The following RP1L1 variants were observed in gnomAD, a reference collection of about 807,000 sequenced individuals.
RP1L1 encodes RP1 like 1.
In RP1L1, 27 loss-of-function variants were observed where a neutral mutation model predicts 15.7. The observed-to-expected ratio is 1.72, with a 90% CI of 1.27 to 2.38. The LOEUF is 2.38. Ranked by LOEUF, RP1L1 falls within the 30% of genes most tolerant of loss-of-function variation. The probability of loss-of-function intolerance (pLI) is 0.00; values close to 1 mark genes in which losing one functional copy is unlikely to be tolerated. For missense variants in RP1L1, 4,798 were observed against 3,075.9 expected, an observed-to-expected ratio of 1.56 and a Z score of -13.24; for synonymous variants, 1,813 against 1,276.7, an observed-to-expected ratio of 1.42 and a Z score of -8.96.
At chr8:10,631,985 T>G (rs891953952) in intron 1 of RP1L1, among the ~76,000 whole-genome samples, 2 of 152,212 alleles carry the variant, frequency 1.3e-5, no homozygotes, top group Admixed American at 1.3e-4. Flanking sequence ...GCAGCTCATT[T>G]CCTTGAGAAT....
At chr8:10,614,969 G>A (rs1413969150) in intron 3 of RP1L1, among the ~76,000 whole-genome samples, 3 of 151,856 alleles carry the variant, frequency 2.0e-5, no homozygotes, top group Non-Finnish European at 1.5e-5. Flanking sequence ...GAGCCAACAT[G>A]TGGCAAAAGG....
chr8:10,627,316 A>T (rs1053226765), intron 1 of RP1L1, among the ~76,000 whole-genome samples: 1 of 152,204 alleles, frequency 6.6e-6, no homozygotes, highest in African/African-American at 2.4e-5. Flanking sequence ...AAAGGTAGGA[A>T]AATCTGGCCC....
At chr8:10,623,568 CATGTCCCCAGTACTTCA>C (rs1246104615) in intron 1 of RP1L1, among the ~76,000 whole-genome samples, 4 of 151,614 alleles carry the variant, frequency 2.6e-5, no homozygotes, top group Non-Finnish European at 2.9e-5. Context: ...CCAGCACCTC[CATGTCCCCAGTACTTCA>C]ATGTCCCCAG....
At position 10,640,179 on chromosome 8, in the gene RP1L1, A is replaced by T. The variant is rs896891219; in HGVS notation, c.-20+14719T>A. 2.0e-5 allele frequency among the ~76,000 whole-genome samples: 3 copies of T among 152,214 alleles called. No homozygotes were observed. The East Asian group carries it at 5.8e-4, about 29-fold the overall frequency. On this transcript the variant is annotated intron_variant, in intron 1 of 3. Transcript: ENST00000382483. ...CTGGCCCAAGGGGTAAATCTGCATG[A>T]TCCAAATGGCTTCGTTTGTTCCTTT...
chr8:10,643,338 TAG>T (rs902754545), intron 1 of RP1L1, among the ~76,000 whole-genome samples: 4 of 152,018 alleles, frequency 2.6e-5, no homozygotes, highest in African/African-American at 9.7e-5. Flanking sequence ...AGACCTTGCC[TAG>T]AAAAAAAAAT....
chr8:10,623,217 G>T lies in RP1L1; in HGVS notation c.-16C>A, dbSNP rs1365415485. ...TGCTGTTCATGGTGTGGGGGCTCTG[G>T]CCGCTGTAACAGGGCAGAGGAAGAG... On this transcript the variant is annotated 5_prime_UTR_variant, in exon 2 of 4. Coordinates refer to ENST00000382483, the MANE Select transcript of RP1L1 (RefSeq NM_178857.6). 4 of 1,534,980 alleles carry T rather than the reference G, an allele frequency of 2.6e-6. No individual in the cohort carries two copies. Among genetic ancestry groups the T allele is most frequent in the Non-Finnish European group, 3.5e-6 (4 of 1,143,290 alleles).
rs938286615 is a variant in RP1L1, at chr8:10,638,954, G to A, written c.-19-15734C>T. 3.9e-5 allele frequency among the ~76,000 whole-genome samples: 6 copies of A among 152,050 alleles called. No homozygotes were observed. The South Asian group carries it at 6.2e-4, about 16-fold the overall frequency. On this transcript the variant is annotated intron_variant, in intron 1 of 3. Coordinates refer to ENST00000382483, the MANE Select transcript of RP1L1 (RefSeq NM_178857.6). ...GAGGCCATGAGTTCGAGACCAGCCT[G>A]GCCAACACAGTGAAACCCAGGCTCT...
In RP1L1 at chr8:10,612,873, T is replaced by G; in HGVS notation, c.1225A>C (p.Thr409Pro). 6.2e-7 allele frequency: 1 copy of G among 1,612,786 alleles called. No homozygotes were observed. Among genetic ancestry groups the G allele is most frequent in the Non-Finnish European group, 8.5e-7 (1 of 1,179,884 alleles). ...GQPGPKYEIW[T>P]NPLHASQGER... ...CCCTGGGAGGCATGCAGGGGATTCG[T>G]CCAGATTTCATACTTGGGCCCTGGC... The change falls in exon 4 of 4, where the codon ACG becomes CCG. Residue 409 changes from threonine to proline, a missense_variant. Transcript: ENST00000382483.
chr8:10,644,285 CAAA>C (rs35056017), intron 1 of RP1L1, among the ~76,000 whole-genome samples: 1 of 132,706 alleles, frequency 7.5e-6, no homozygotes, highest in African/African-American at 2.7e-5. Context: ...ACCTTCTTCT[CAAA>C]AAAAAAAAAA....
At position 10,611,722 on chromosome 8, in the gene RP1L1, CA is replaced by C; in HGVS notation, c.2375del (p.Leu792ArgfsTer137). 1 of 1,613,648 alleles carries C rather than the reference CA, an allele frequency of 6.2e-7. No individual in the cohort carries two copies. Among genetic ancestry groups the C allele is most frequent in the African/African-American group, 1.3e-5 (1 of 75,076 alleles). Reference protein sequence around the residue: ...DSCSKSGAASLGEEARDTPQP... With the variant: ...DSCSKSGAASXGEEARDTPQP... ...GAGGCGTGTCCCTGGCCTCTTCCCCCAGGCTGGCAGCCCCAGATTTTGAGCA... is the reference window on the plus strand; with the variant it reads ...GAGGCGTGTCCCTGGCCTCTTCCCCCGGCTGGCAGCCCCAGATTTTGAGCA... On this transcript the variant is annotated frameshift_variant, in exon 4 of 4. Coordinates refer to ENST00000382483, the MANE Select transcript of RP1L1 (RefSeq NM_178857.6). LOFTEE classifies it low-confidence loss of function (END_TRUNC).
rs1177445377 is a variant in RP1L1 at position 10,607,921 on chromosome 8, C to A, written c.6177G>T (p.Glu2059Asp). The A allele has an allele frequency of 1.9e-6, 3 of 1,594,494 alleles. No individual in the cohort carries two copies. Among genetic ancestry groups the A allele is most frequent in the Non-Finnish European group, 2.6e-6 (3 of 1,170,314 alleles). The part of the protein sequence containing the change: ...QPESDGVEAP[E>D]AEEEAQEAEG... ...CAGCCTCCTGTGCCTCCTCTTCTGC[C>A]TCCGGGGCCTCTACACCGTCTGACT... Residue 2059 changes from glutamate (E) to aspartate (D), a missense_variant, in exon 4 of 4, where the codon GAG (glutamate) becomes GAT (aspartate). By Grantham distance (45) the Glu-to-Asp change is conservative. Transcript: ENST00000382483.
At chr8:10,646,046 A>G (rs1798472983) in intron 1 of RP1L1, among the ~76,000 whole-genome samples, 1 of 152,330 alleles carries the variant, frequency 6.6e-6, no homozygotes, top group South Asian at 2.1e-4. Flanking sequence ...AGAACAAGAT[A>G]GAAGCCGTCC....
At chr8:10,637,833 A>G (rs1798352274) in intron 1 of RP1L1, among the ~76,000 whole-genome samples, 1 of 152,210 alleles carries the variant, frequency 6.6e-6, no homozygotes, top group Non-Finnish European at 1.5e-5. Context: ...CAGCTTCAAG[A>G]TCAAAAGATG....
rs1798072840 is a variant in RP1L1, at chr8:10,622,328, A to G, written c.609+265T>C. 4.0e-5 allele frequency among the ~76,000 whole-genome samples: 6 copies of G among 148,776 alleles called. No individual in the cohort carries two copies. The South Asian group carries it at 1.4e-3, about 35-fold the overall frequency. On this transcript the variant is annotated intron_variant, in intron 2 of 3. Coordinates refer to ENST00000382483, the MANE Select transcript of RP1L1 (RefSeq NM_178857.6). ...AAAGTTAAACTCCATCTCGAAAAAA[A>G]CAAAGCCAAAAAAAAAAAAAAAAAG...
chr8:10,609,391 C>T lies in RP1L1; in HGVS notation c.4707G>A (p.Gln1569=), dbSNP rs1233907108. 3 of 1,612,466 alleles carry T rather than the reference C, an allele frequency of 1.9e-6. No homozygotes were observed. The Admixed American group carries it at 5.0e-5, about 27-fold the overall frequency. Reference sequence around the variant, plus strand: ...TCTGGAGCTCTCTCTTGGTGCTGTCCTGGAGGCGTTGGGCCACGTCCTGCT... The same window carrying T: ...TCTGGAGCTCTCTCTTGGTGCTGTCTTGGAGGCGTTGGGCCACGTCCTGCT... ...ELQQDVAQRL[Q]DSTKRELQKL... Residue 1569 remains glutamine (Q), a synonymous_variant, in exon 4 of 4, where the codon CAG becomes CAA. Transcript: ENST00000382483.
rs374965485 is a variant in RP1L1 at position 10,623,178 on chromosome 8, G to C, written c.24C>G (p.Ala8=). 7.0e-6 allele frequency: 11 copies of C among 1,572,592 alleles called. No homozygotes were observed. The East Asian group carries it at 1.6e-4, about 22-fold the overall frequency. The change falls in exon 2 of 4, where the codon GCC becomes GCG. Residue 8 remains alanine, a synonymous_variant. Transcript: ENST00000382483. The part of the protein sequence containing the change: MNSTPRN[A]QAPSHRECFL... ...AGCACTCACGGTGGCTCGGGGCCTGGGCATTCCTGGGGGTGCTGTTCATGG... is the reference window on the plus strand; with the variant it reads ...AGCACTCACGGTGGCTCGGGGCCTGCGCATTCCTGGGGGTGCTGTTCATGG...
In RP1L1 at chr8:10,612,465, A is replaced by G. The variant is rs748804892; in HGVS notation, c.1633T>C (p.Ser545Pro). The change falls in exon 4 of 4, where the codon TCC becomes CCC. Residue 545 changes from serine to proline, a missense_variant. Transcript: ENST00000382483. Reference sequence around the variant, plus strand: ...TGGGGCCGCCCACCCCATTCGCTGGATCCCTCATGAGAGCCGGTGCTGGCT... The same window carrying G: ...TGGGGCCGCCCACCCCATTCGCTGGGTCCCTCATGAGAGCCGGTGCTGGCT... The part of the protein sequence containing the change: ...SSASTGSHEG[S>P]SEWGGRPQGC... The G allele has an allele frequency of 1.6e-5, 26 of 1,612,652 alleles. No homozygotes were observed. The South Asian group carries it at 2.7e-4, about 17-fold the overall frequency.
rs542254783 is a variant in RP1L1, at chr8:10,608,505, C to T, written c.5593G>A (p.Gly1865Arg). 2.3e-6 allele frequency: 3 copies of T among 1,313,864 alleles called. No individual in the cohort carries two copies. The highest frequency in any genetic ancestry group is 3.2e-6 in the Non-Finnish European group (3 of 928,812). 81.4% of individuals were successfully genotyped at this position (1,313,864 alleles called of 1,614,324 possible). ...TCTTCTGACTCTGGCTGGGCCTCCC[C>T]TTCAGCCTCCTGGGCATCCCCTTCT... ...EAEGDAQEAE[G>R]EAQPESEDVE... Residue 1865 changes from glycine to arginine, a missense_variant, in exon 4 of 4, where the codon GGG (glycine) becomes AGG (arginine). Gly to Arg is a moderately radical substitution (Grantham distance 125, BLOSUM62 -2). Transcript: ENST00000382483.
At chr8:10,648,749 A>T (rs1030027979) in intron 1 of RP1L1, among the ~76,000 whole-genome samples, 1 of 152,194 alleles carries the variant, frequency 6.6e-6, no homozygotes, top group Non-Finnish European at 1.5e-5. Flanking sequence ...CTGACAGAGA[A>T]CTTACAGTAA....
Sources: gnomAD v4.1 joint callset for allele counts (sites outside exome capture counted in the v4.1 genomes callset) on GRCh38, gnomAD v4.1.1 for gene constraint, MANE v1.5 for transcripts, NCBI Gene and HGNC (gene_info 2026-07-23, HGNC 2026-07-21) for gene names.